The following OTUD7A variants were observed in gnomAD, a reference collection of about 807,000 sequenced individuals.
OTUD7A encodes OTU deubiquitinase 7A.
In OTUD7A, 12 loss-of-function variants were observed where a neutral mutation model predicts 65.7. The ratio of observed to expected loss-of-function variants is 0.18; its 90% CI spans 0.12 to 0.30. OTUD7A has a LOEUF of 0.30. Ranked by LOEUF, OTUD7A falls within the 10% of genes least tolerant of loss-of-function variation. OTUD7A has a pLI of 1.00. For missense variants in OTUD7A, 1,148 were observed against 1,304.8 expected, an observed-to-expected ratio of 0.88 and a Z score of 1.85; for synonymous variants, 641 against 586.3, an observed-to-expected ratio of 1.09 and a Z score of -1.35.
intron 3 of OTUD7A, among the ~76,000 whole-genome samples, chr15:31,609,953 T>C (rs139920458): frequency 2.5e-3 from 374 of 152,236 alleles, no homozygotes; most frequent in Middle Eastern, 6.8e-3. Context: ...GCTGGATGGC[T>C]AGACCCAGAA....
At chr15:31,688,084 C>T (rs1268348934) in intron 1 of OTUD7A, among the ~76,000 whole-genome samples, 1 of 151,954 alleles carries the variant, frequency 6.6e-6, no homozygotes, top group Non-Finnish European at 1.5e-5. Flanking sequence ...GGCGTGGTGA[C>T]GGGCGCCTGT....
At chr15:31,497,932 C>A (rs2041412378) in intron 10 of OTUD7A, among the ~76,000 whole-genome samples, 1 of 152,230 alleles carries the variant, frequency 6.6e-6, no homozygotes, top group Non-Finnish European at 1.5e-5. Context: ...GAAGCACCTG[C>A]AAATATATGA....
intron 1 of OTUD7A, among the ~76,000 whole-genome samples, chr15:31,741,790 T>C (rs1161049533): frequency 6.6e-6 from 1 of 151,042 alleles, no homozygotes; most frequent in Non-Finnish European, 1.5e-5. Flanking sequence ...AATAGCAAAA[T>C]AAACACAAAA....
At chr15:31,808,792 A>C (rs538591184) in intron 1 of OTUD7A, among the ~76,000 whole-genome samples, 1 of 152,214 alleles carries the variant, frequency 6.6e-6, no homozygotes, top group Non-Finnish European at 1.5e-5. Context: ...CTGCAGAGCC[A>C]AAGTGTGGAC....
chr15:31,825,978 T>A (rs1896788498), intron 1 of OTUD7A, among the ~76,000 whole-genome samples: 1 of 152,332 alleles, frequency 6.6e-6, no homozygotes, highest in East Asian at 1.9e-4. Flanking sequence ...GCTCCGCCCC[T>A]GTGGCTTTGC....
intron 1 of OTUD7A, among the ~76,000 whole-genome samples, chr15:31,727,993 C>T (rs924937734): frequency 6.6e-6 from 1 of 152,220 alleles, no homozygotes; most frequent in Non-Finnish European, 1.5e-5. Flanking sequence ...CAAACGCCAA[C>T]ACTTTCCAGG....
Position 31,484,571 on chromosome 15 carries a change from G to GCTGCTTCTCCTTCTCCTTGTC in OTUD7A, c.1504_1524dup (p.Asp502_Gln508dup). 6.2e-6 allele frequency: 10 copies of GCTGCTTCTCCTTCTCCTTGTC among 1,610,998 alleles called. No homozygotes were observed. Among genetic ancestry groups the GCTGCTTCTCCTTCTCCTTGTC allele is most frequent in the Non-Finnish European group, 8.5e-6 (10 of 1,179,616 alleles). ...GCGCGCGTCTTGTCCTTCTCCTTGC[G>GCTGCTTCTCCTTCTCCTTGTC]CTGCTTCTCCTTCTCCTTGTCCTTG... On this transcript the variant is annotated inframe_insertion, in exon 13 of 13. Transcript: ENST00000307050. This position sits in a 1 kb window ranked among gnomAD's most constrained non-coding sequence, Gnocchi z 4.5.
At chr15:31,853,607 G>C (rs1355617133) in intron 1 of OTUD7A, among the ~76,000 whole-genome samples, 1 of 151,746 alleles carries the variant, frequency 6.6e-6, no homozygotes, top group African/African-American at 2.4e-5. Context: ...TGGCCACTGA[G>C]CAGGCCTCAG....
At chr15:31,725,980 G>A (rs546303896) in intron 1 of OTUD7A, among the ~76,000 whole-genome samples, 1 of 151,966 alleles carries the variant, frequency 6.6e-6, no homozygotes, top group African/African-American at 2.4e-5. Context: ...CATTCCCATG[G>A]ACTCAAATAT....
chr15:31,483,349 T>A lies in OTUD7A; in HGVS notation c.2747A>T (p.Tyr916Phe). 1 of 1,252,778 alleles carries A rather than the reference T, an allele frequency of 8.0e-7. No individual in the cohort carries two copies. The highest frequency in any genetic ancestry group is 3.8e-5 in the East Asian group (1 of 26,444). The allele number at this position is 1,252,778 out of a possible 1,614,324, so 77.6% of individuals were successfully genotyped here. A position where few individuals can be genotyped will look rare whatever the true frequency, so the allele number is the denominator to read the frequency against. The change falls in exon 13 of 13, where the codon TAC (tyrosine) becomes TTC (phenylalanine). Residue 916 changes from tyrosine (Y) to phenylalanine (F), a missense_variant. Coordinates refer to ENST00000307050, the MANE Select transcript of OTUD7A (RefSeq NM_001382637.1). ...CCGCCGCAGCTCCTCGCGGTAGCAG[T>A]AGGAGCAGTAGTGCTCGGTCTCGGC... ...GRAETEHYCS[Y>F]CYREELRRRR...
At chr15:31,624,086 A>G (rs1415052826) in intron 3 of OTUD7A, among the ~76,000 whole-genome samples, 4 of 152,246 alleles carry the variant, frequency 2.6e-5, no homozygotes, top group African/African-American at 7.2e-5. Flanking sequence ...GTGTCACTGT[A>G]AAGTGGCTAC....
At chr15:31,737,456 G>C (rs1013859427) in intron 1 of OTUD7A, among the ~76,000 whole-genome samples, 1 of 152,176 alleles carries the variant, frequency 6.6e-6, no homozygotes, top group African/African-American at 2.4e-5. Flanking sequence ...ACACAAACTG[G>C]AAAAACCCTG....
intron 1 of OTUD7A, among the ~76,000 whole-genome samples, chr15:31,870,085 G>A (rs1897985775): frequency 6.7e-6 from 1 of 150,306 alleles, no homozygotes; most frequent in Non-Finnish European, 1.5e-5. Context: ...CCGGCCGTCT[G>A]CAAGAGCCGC....
intron 1 of OTUD7A, among the ~76,000 whole-genome samples, chr15:31,747,247 A>AGAACATTTCTTAAT (rs558577086): frequency 9.2e-4 from 140 of 152,308 alleles, no homozygotes; most frequent in African/African-American, 3.2e-3. Flanking sequence ...CTCATTTTTG[A>AGAACATTTCTTAAT]TACATACCCA....
chr15:31,627,993 C>T (rs1226279299), intron 3 of OTUD7A, among the ~76,000 whole-genome samples: 1 of 152,024 alleles, frequency 6.6e-6, no homozygotes, highest in Non-Finnish European at 1.5e-5. Context: ...TGGATACTAG[C>T]CCTTTGTCAG....
chr15:31,839,067 T>C (rs577195791), intron 1 of OTUD7A, among the ~76,000 whole-genome samples: 1 of 152,266 alleles, frequency 6.6e-6, no homozygotes, highest in Admixed American at 6.5e-5. Flanking sequence ...TGGCACTCCA[T>C]AGGGACAGCT....
At chr15:31,831,681 A>G (rs1436115519) in intron 1 of OTUD7A, among the ~76,000 whole-genome samples, 1 of 152,256 alleles carries the variant, frequency 6.6e-6, no homozygotes, top group Non-Finnish European at 1.5e-5. Context: ...AAAGCCTTGT[A>G]CAAGAACGTT....
chr15:31,767,181 T>C, intron 1 of OTUD7A: 1 of 1,187,196 alleles, frequency 8.4e-7, no homozygotes. Flanking sequence ...GGAACTCAAA[T>C]TGTTTAAGTG....
intron 1 of OTUD7A, among the ~76,000 whole-genome samples, chr15:31,660,745 A>C (rs1892137823): frequency 6.6e-6 from 1 of 152,252 alleles, no homozygotes. Flanking sequence ...GTGAAAATCA[A>C]AAGTGGCTAT....
Sources: gnomAD v4.1 joint callset for allele counts (sites outside exome capture counted in the v4.1 genomes callset) on GRCh38, gnomAD v4.1.1 for gene constraint, Gnocchi (gnomAD v3.1) non-coding constraint, MANE v1.5 for transcripts, NCBI Gene and HGNC (gene_info 2026-07-23, HGNC 2026-07-21) for gene names.